Variants in ANKRD12 observed in about 807,000 individuals in gnomAD.
ANKRD12 encodes the protein ankyrin repeat domain 12.
In ANKRD12, 85 loss-of-function variants were observed where a neutral mutation model predicts 183.4. The observed-to-expected ratio is 0.46, with a 90% CI of 0.39 to 0.56. ANKRD12 has a LOEUF of 0.56. ANKRD12 is among the 20% of genes least tolerant of loss of function. ANKRD12 has a pLI of 0.00. For synonymous variants in ANKRD12, 914 were observed against 800.2 expected (o/e 1.14, Z -2.40); for missense variants, 2,405 against 2,357.1 (o/e 1.02, Z -0.42).
intron 8 of ANKRD12, among the ~76,000 whole-genome samples, chr18:9,251,759 A>G (rs1458743525): frequency 6.6e-6 from 1 of 152,066 alleles, no homozygotes; most frequent in Non-Finnish European, 1.5e-5. Context: ...ACGCCACTGC[A>G]CTCCACCTGG....
At chr18:9,209,867 C>A (rs1338405737) in intron 5 of ANKRD12, among the ~76,000 whole-genome samples, 1 of 152,072 alleles carries the variant, frequency 6.6e-6, no homozygotes, top group African/African-American at 2.4e-5. Flanking sequence ...AATTAAAAGA[C>A]CAACAGACAA....
intron 1 of ANKRD12, among the ~76,000 whole-genome samples, chr18:9,176,073 T>G (rs148811603): frequency 3.9e-5 from 6 of 152,212 alleles, no homozygotes; most frequent in Non-Finnish European, 7.3e-5. Context: ...GCTGTTGTCT[T>G]GAGTTGTGTT....
intron 1 of ANKRD12, among the ~76,000 whole-genome samples, chr18:9,158,463 A>G (rs540435727): frequency 6.6e-6 from 1 of 152,282 alleles, no homozygotes; most frequent in South Asian, 2.1e-4. Flanking sequence ...TAAGGAGTAC[A>G]GTGAGGTAAG....
intron 1 of ANKRD12, among the ~76,000 whole-genome samples, chr18:9,173,104 C>T (rs1053907112): frequency 6.9e-6 from 1 of 144,548 alleles, no homozygotes; most frequent in Non-Finnish European, 1.5e-5. Context: ...GAGTTTAGCT[C>T]TATCACCCAG....
At chr18:9,264,960 G>C (rs1598747180) in intron 10 of ANKRD12, among the ~76,000 whole-genome samples, 1 of 152,214 alleles carries the variant, frequency 6.6e-6, no homozygotes, top group Admixed American at 6.5e-5. Flanking sequence ...CTGAGCAAAC[G>C]GCATACCAGG....
At position 9,235,627 on chromosome 18, in the gene ANKRD12, T is replaced by G. The variant is rs187171240; in HGVS notation, c.943+13628T>G. On this transcript the variant is annotated intron_variant, in intron 8 of 12. Coordinates refer to ENST00000262126, the MANE Select transcript of ANKRD12 (RefSeq NM_015208.5). ...ATCAAAGGGATCAAACCTTAGTCTC[T>G]TCATCCTCAGGATCCAGCTACCAAT... 5.7e-5 allele frequency: 26 copies of G among 456,260 alleles called. No individual in the cohort carries two copies. In the East Asian group the frequency reaches 1.8e-3, roughly 32 times the overall value. 28.3% of individuals were successfully genotyped at this position (456,260 alleles called of 1,614,324 possible). A position where few individuals can be genotyped will look rare whatever the true frequency, so the allele number is the denominator to read the frequency against.
chr18:9,139,038 A>G (rs553019347), intron 1 of ANKRD12, among the ~76,000 whole-genome samples: 1 of 152,298 alleles, frequency 6.6e-6, no homozygotes, highest in South Asian at 2.1e-4. Flanking sequence ...TAATCTCATA[A>G]TTTTCATAGT....
At chr18:9,265,165 G>GGCCT (rs1191024804) in intron 10 of ANKRD12, among the ~76,000 whole-genome samples, 1 of 152,276 alleles carries the variant, frequency 6.6e-6, no homozygotes, top group African/African-American at 2.4e-5. Context: ...AGCTCAAGGA[G>GGCCT]GCCTGCCTGC....
Position 9,256,015 on chromosome 18 carries a change from T to C in ANKRD12, c.2748T>C (p.Pro916=). 1 of 1,548,798 alleles carries C rather than the reference T, an allele frequency of 6.5e-7. No homozygotes were observed. The highest frequency in any genetic ancestry group is 1.2e-5 in the South Asian group (1 of 80,114). Residue 916 remains proline (P), a synonymous_variant, in exon 9 of 13, where the codon CCT becomes CCC. Transcript: ENST00000262126. ...ATAGGAAACATGACAAAGAAAAGCC[T>C]GAAAAAGAGAGGCATCTAGCAGAAA... ...KMDRKHDKEK[P]EKERHLAESK... is the part of the protein sequence containing the mutation.
chr18:9,262,140 G>A (rs2039006137), intron 9 of ANKRD12, among the ~76,000 whole-genome samples: 2 of 152,138 alleles, frequency 1.3e-5, no homozygotes, highest in South Asian at 4.2e-4. Flanking sequence ...CTCTCATAAT[G>A]CTGATTATAG....
chr18:9,280,836 T>G, intron 12 of ANKRD12, 105 bp from the exon 13 acceptor site: 2 of 993,340 alleles, frequency 2.0e-6, no homozygotes, highest in Non-Finnish European at 3.1e-6. Context: ...CTTTTTATGC[T>G]CCTGATGTGT....
In ANKRD12 at chr18:9,256,644, C is replaced by T. The variant is rs766579592; in HGVS notation, c.3377C>T (p.Thr1126Ile). 6.2e-7 allele frequency: 1 copy of T among 1,605,646 alleles called. No homozygotes were observed. The highest frequency in any genetic ancestry group is 2.2e-5 in the East Asian group (1 of 44,832). Residue 1126 changes from threonine to isoleucine, a missense_variant, in exon 9 of 13, where the codon ACA becomes ATA. Thr to Ile is a moderately conservative substitution (Grantham distance 89). Transcript: ENST00000262126. ...CTTAAAATAAAAGATAAAGAAAAAACAAAGCATACACCAACTGAATCCAAA... is the reference window on the plus strand; with the variant it reads ...CTTAAAATAAAAGATAAAGAAAAAATAAAGCATACACCAACTGAATCCAAA... ...LELKIKDKEK[T>I]KHTPTESKNK... is the part of the protein sequence containing the mutation.
rs1462870957 is a variant in ANKRD12, at chr18:9,216,623, GCTT to G, written c.653-130_653-128del. 5.7e-5 allele frequency: 45 copies of G among 785,270 alleles called. No individual in the cohort carries two copies. In the South Asian group the frequency reaches 7.9e-4, roughly 14 times the overall value. 48.6% of individuals were successfully genotyped at this position (785,270 alleles called of 1,614,324 possible). A position where few individuals can be genotyped will look rare whatever the true frequency, so the allele number is the denominator to read the frequency against. The stretch of plus-strand genomic sequence containing the variant: ...ATATTGTTCTTATTTATTTTTAGTA[GCTT>G]CTTCATCACTCCTTTTTTTTTGCAC... On this transcript the variant is annotated intron_variant, in intron 6 of 12. Transcript: ENST00000262126.
intron 2 of ANKRD12, among the ~76,000 whole-genome samples, chr18:9,186,136 G>GTTTTTT (rs1280812557): frequency 2.1e-5 from 3 of 141,892 alleles, no homozygotes; most frequent in African/African-American, 2.7e-5. Context: ...CTAAAAGTGT[G>GTTTTTT]ATTTTTTTTT....
rs570069116 is a variant in ANKRD12 at position 9,172,773 on chromosome 18, T to C, written c.-51-9609T>C. On this transcript the variant is annotated intron_variant, in intron 1 of 12. Coordinates refer to ENST00000262126, the MANE Select transcript of ANKRD12 (RefSeq NM_015208.5). ...TTCTGTCCCCTTGCTGAAGAGGTGTTGTGGTAATTTAGAGAAGAGGCACTC... is the reference window on the plus strand; with the variant it reads ...TTCTGTCCCCTTGCTGAAGAGGTGTCGTGGTAATTTAGAGAAGAGGCACTC... Among the ~76,000 whole-genome samples the C allele has an allele frequency of 3.3e-3, 506 of 152,284 alleles. 3 individuals carry two copies. The highest frequency in any genetic ancestry group is 4.9e-3 in the Non-Finnish European group (331 of 68,030).
chr18:9,239,369 T>A (rs2037528190), intron 8 of ANKRD12: 1 of 242,816 alleles, frequency 4.1e-6, no homozygotes, highest in Admixed American at 6.2e-5. Flanking sequence ...AGGTATTTTA[T>A]TTCAACTTAC....
At chr18:9,170,587 G>T (rs952892322) in intron 1 of ANKRD12, among the ~76,000 whole-genome samples, 31 of 151,996 alleles carry the variant, frequency 2.0e-4, no homozygotes, top group Admixed American at 3.9e-4. Context: ...CTCTGCATTG[G>T]TTATTCTAGT....
intron 10 of ANKRD12, among the ~76,000 whole-genome samples, chr18:9,269,162 G>A (rs143815780): frequency 0.013 from 1,970 of 152,278 alleles, 49 homozygotes; most frequent in African/African-American, 0.046. Flanking sequence ...TCATGGGTAG[G>A]AAGAATCAAT....
At chr18:9,183,208 A>G (rs2033824867) in intron 2 of ANKRD12, among the ~76,000 whole-genome samples, 1 of 152,202 alleles carries the variant, frequency 6.6e-6, no homozygotes, top group Admixed American at 6.5e-5. Flanking sequence ...TATTCTTTTC[A>G]GAATCGTTTT....
Sources: gnomAD v4.1 joint callset for allele counts (sites outside exome capture counted in the v4.1 genomes callset) on GRCh38, gnomAD v4.1.1 for gene constraint, MANE v1.5 for transcripts, NCBI Gene and HGNC (gene_info 2026-07-23, HGNC 2026-07-21) for gene names.